The following CAMSAP3 variants were observed in gnomAD, a reference collection of about 807,000 sequenced individuals.
CAMSAP3 encodes calmodulin regulated spectrin associated protein family member 3.
CAMSAP3 carries 34 observed loss-of-function variants against 112.5 expected under a neutral mutation model. The observed-to-expected ratio is 0.30, with a 90% CI of 0.23 to 0.40. The LOEUF (loss-of-function observed/expected upper bound fraction) is 0.40. Among genes scored for constraint, CAMSAP3 ranks in the 10% least tolerant of loss-of-function variants. The probability of loss-of-function intolerance (pLI) is 1.00; values close to 1 mark genes in which losing one functional copy is unlikely to be tolerated. For missense variants in CAMSAP3, 1,602 were observed against 1,770.3 expected (o/e 0.90, Z 1.71); for synonymous variants, 868 against 799.8 (o/e 1.09, Z -1.44).
At chr19:7,597,948 G>C (rs2024472296) in intron 1 of CAMSAP3, among the ~76,000 whole-genome samples, 1 of 152,114 alleles carries the variant, frequency 6.6e-6, no homozygotes, top group Non-Finnish European at 1.5e-5. Flanking sequence ...AGTTCAATCT[G>C]TTCCCTGTTC....
At chr19:7,599,403 T>C (rs189777704) in intron 1 of CAMSAP3, among the ~76,000 whole-genome samples, 25,072 of 57,776 alleles carry the variant, frequency 0.43, 3,965 homozygotes, top group Middle Eastern at 0.49. Flanking sequence ...CATCCACCCA[T>C]TCATTCATCC....
Position 7,617,893 on chromosome 19 carries a change from G to T in CAMSAP3, c.3586G>T (p.Ala1196Ser), listed in dbSNP as rs1393887283. ...AGYGPRTVTPAMVEGIYKYNS... is the reference protein window; with the variant it reads ...AGYGPRTVTPSMVEGIYKYNS... ...GTATGGGCCCCGGACCGTCACGCCCGCCATGGTGGAAGGCATCTACAAGTA... is the reference window on the plus strand; with the variant it reads ...GTATGGGCCCCGGACCGTCACGCCCTCCATGGTGGAAGGCATCTACAAGTA... Residue 1196 changes from alanine (A) to serine (S), a missense_variant, in exon 17 of 17, where the codon GCC becomes TCC. Physicochemically the swap from Ala to Ser is moderately conservative, Grantham distance 99. Transcript: ENST00000160298. The surrounding 1 kb of genome is among the most constrained non-coding windows in gnomAD (Gnocchi z 7.5). 1 of 1,613,812 alleles carries T rather than the reference G, an allele frequency of 6.2e-7. No homozygotes were observed. Among genetic ancestry groups the T allele is most frequent in the African/African-American group, 1.3e-5 (1 of 74,924 alleles).
chr19:7,611,666 C>T lies in CAMSAP3; in HGVS notation c.1194-21C>T. On this transcript the variant is annotated intron_variant, in intron 10 of 16. Coordinates refer to ENST00000160298, the MANE Select transcript of CAMSAP3 (RefSeq NM_020902.2). This position sits in a 1 kb window ranked among gnomAD's most constrained non-coding sequence, Gnocchi z 6.9. The stretch of plus-strand genomic sequence containing the variant: ...GGCCGAGGCTGGTCCCAGGGGCTGA[C>T]CCCTCCCTCCGGCCGCCCAGCCGTC... 3 of 1,569,592 alleles carry T rather than the reference C, an allele frequency of 1.9e-6. No homozygotes were observed. The highest frequency in any genetic ancestry group is 1.7e-6 in the Non-Finnish European group (2 of 1,154,536).
intron 2 of CAMSAP3, among the ~76,000 whole-genome samples, chr19:7,605,884 A>C (rs1031974484): frequency 1.3e-5 from 2 of 148,600 alleles, no homozygotes; most frequent in African/African-American, 2.5e-5. Context: ...CCTCCCCTCA[A>C]GCTCTGTTCA....
chr19:7,611,578 G>A lies in CAMSAP3; in HGVS notation c.1185G>A (p.Arg395=). Residue 395 remains arginine, a synonymous_variant, in exon 10 of 17, where the codon CGG becomes CGA. Coordinates refer to ENST00000160298, the MANE Select transcript of CAMSAP3 (RefSeq NM_020902.2). This position sits in a 1 kb window ranked among gnomAD's most constrained non-coding sequence, Gnocchi z 6.9. ...AGGCCCTGGGCAAGGCCTGGAACCG[G>A]CAGCTCAGGTGAGTAGACCTCACAG... ...HMEALGKAWN[R]QLSRPLSQAV... The A allele has an allele frequency of 3.7e-6, 6 of 1,612,366 alleles. No homozygotes were observed. The highest frequency in any genetic ancestry group is 5.1e-6 in the Non-Finnish European group (6 of 1,179,708).
rs1053591358 is a variant in CAMSAP3 at position 7,606,681 on chromosome 19, ACTCT to A, written c.621+115_621+118del. 1.5e-5 allele frequency: 23 copies of A among 1,544,024 alleles called. No homozygotes were observed. The African/African-American group carries it at 2.9e-4, about 19-fold the overall frequency. On this transcript the variant is annotated intron_variant, in intron 4 of 16. Transcript: ENST00000160298. ...GTGGGGAGGGGGCTAGAGGTGACACACTCTCTCTTTCTTCCCCCCTCTCTCAATC... is the reference window on the plus strand; with the variant it reads ...GTGGGGAGGGGGCTAGAGGTGACACACTCTTTCTTCCCCCCTCTCTCAATC...
rs1042134736 is a variant in CAMSAP3, at chr19:7,607,074, A to C, written c.621+503A>C. Among the ~76,000 whole-genome samples, 2 of 151,938 alleles carry C rather than the reference A, an allele frequency of 1.3e-5. No individual in the cohort carries two copies. Among genetic ancestry groups the C allele is most frequent in the African/African-American group, 4.8e-5 (2 of 41,382 alleles). Reference sequence around the variant, plus strand: ...ACGAACTTCCCCTCCCGTTATTCAGAAGGGCAAGCCCTCCCCGTTCCCATT... The same window carrying C: ...ACGAACTTCCCCTCCCGTTATTCAGCAGGGCAAGCCCTCCCCGTTCCCATT... On this transcript the variant is annotated intron_variant, in intron 4 of 16. Coordinates refer to ENST00000160298, the MANE Select transcript of CAMSAP3 (RefSeq NM_020902.2). The surrounding 1 kb of genome is among the most constrained non-coding windows in gnomAD (Gnocchi z 4.9).
intron 1 of CAMSAP3, among the ~76,000 whole-genome samples, chr19:7,599,241 T>TCATC (rs373814907): frequency 2.5e-4 from 32 of 127,424 alleles, no homozygotes; most frequent in African/African-American, 9.2e-4. Context: ...ACCCATTCAT[T>TCATC]CATCCATCCA....
Position 7,610,964 on chromosome 19 carries a change from T to C in CAMSAP3, c.1049+33T>C. 1 of 1,575,260 alleles carries C rather than the reference T, an allele frequency of 6.3e-7. No homozygotes were observed. Among genetic ancestry groups the C allele is most frequent in the Non-Finnish European group, 8.6e-7 (1 of 1,156,332 alleles). On this transcript the variant is annotated intron_variant, in intron 8 of 16. Coordinates refer to ENST00000160298, the MANE Select transcript of CAMSAP3 (RefSeq NM_020902.2). This position sits in a 1 kb window ranked among gnomAD's most constrained non-coding sequence, Gnocchi z 4.9. ...CCCCACACTGGGCGAGTCTCTGGCA[T>C]TGTGGGTGTGGGGCTCCATGTCTGC...
rs574881666 is a variant in CAMSAP3, at chr19:7,615,465, T to C, written c.2858T>C (p.Val953Ala). The change falls in exon 13 of 17, where the codon GTC (valine) becomes GCC (alanine). Residue 953 changes from valine (V) to alanine (A), a missense_variant. By Grantham distance (64) the Val-to-Ala change is moderately conservative. Around this residue, in one of 6 missense-constraint regions of CAMSAP3, gnomAD observed 1,100 missense variants for 1,135.7 expected, o/e 0.97. Transcript: ENST00000160298. This position sits in a 1 kb window ranked among gnomAD's most constrained non-coding sequence, Gnocchi z 6.5. Reference sequence around the variant, plus strand: ...GGCCCAGCCCCGCTTGTGTCCGCAGTCCCGATGGCGACTCCAGCCCCTGCT... The same window carrying C: ...GGCCCAGCCCCGCTTGTGTCCGCAGCCCCGATGGCGACTCCAGCCCCTGCT... ...APGPAPLVSA[V>A]PMATPAPAAR... 13 of 1,540,812 alleles carry C rather than the reference T, an allele frequency of 8.4e-6. No individual in the cohort carries two copies. In the Admixed American group the frequency reaches 1.2e-4, roughly 14 times the overall value.
In CAMSAP3 at chr19:7,615,469, G is replaced by A. The variant is rs985064270; in HGVS notation, c.2862G>A (p.Pro954=). ...PGPAPLVSAV[P]MATPAPAARA... ...CAGCCCCGCTTGTGTCCGCAGTCCC[G>A]ATGGCGACTCCAGCCCCTGCTGCCC... Residue 954 remains proline, a synonymous_variant, in exon 13 of 17, where the codon CCG becomes CCA. Coordinates refer to ENST00000160298, the MANE Select transcript of CAMSAP3 (RefSeq NM_020902.2). This position sits in a 1 kb window ranked among gnomAD's most constrained non-coding sequence, Gnocchi z 6.5. 5.8e-6 allele frequency: 9 copies of A among 1,540,896 alleles called. No homozygotes were observed. In the South Asian group the frequency reaches 9.5e-5, roughly 16 times the overall value.
Position 7,615,607 on chromosome 19 carries a change from C to T in CAMSAP3, c.3000C>T (p.Pro1000=). The part of the protein sequence containing the change: ...LMDDLDKVLR[P]RAAGSGGPGR... ...ACGACCTCGATAAGGTGCTGCGGCCCCGGGCTGCGGGGTCCGGGGGTCCAG... is the reference window on the plus strand; with the variant it reads ...ACGACCTCGATAAGGTGCTGCGGCCTCGGGCTGCGGGGTCCGGGGGTCCAG... Residue 1000 remains proline (P), a synonymous_variant, in exon 13 of 17, where the codon CCC becomes CCT. Transcript: ENST00000160298. This position sits in a 1 kb window ranked among gnomAD's most constrained non-coding sequence, Gnocchi z 6.5. 1 of 1,466,808 alleles carries T rather than the reference C, an allele frequency of 6.8e-7. No homozygotes were observed. The highest frequency in any genetic ancestry group is 9.0e-7 in the Non-Finnish European group (1 of 1,109,832). The allele number at this position is 1,466,808 out of a possible 1,614,324, so 90.9% of individuals were successfully genotyped here.
At chr19:7,616,949 TTTTTTTTTTG>T (rs1234966060) in intron 14 of CAMSAP3, among the ~76,000 whole-genome samples, 25 of 142,552 alleles carry the variant, frequency 1.8e-4, no homozygotes, top group East Asian at 1.3e-3. Flanking sequence ...TTTTTTTTTT[TTTTTTTTTTG>T]TTTTTTTGAG....
rs759734047 is a variant in CAMSAP3 at position 7,606,583 on chromosome 19, G to A, written c.621+12G>A. On this transcript the variant is annotated intron_variant, in intron 4 of 16. Coordinates refer to ENST00000160298, the MANE Select transcript of CAMSAP3 (RefSeq NM_020902.2). ...CGGCGCAGCCCTCGGTGAGGCCAGG[G>A]CATAGAACCGTCAGAAGGATGGGGG... 6.6e-7 allele frequency: 1 copy of A among 1,521,726 alleles called. No individual in the cohort carries two copies. Among genetic ancestry groups the A allele is most frequent in the Non-Finnish European group, 8.8e-7 (1 of 1,138,540 alleles). The allele number at this position is 1,521,726 out of a possible 1,614,324, so 94.3% of individuals were successfully genotyped here.
chr19:7,616,888 A>G (rs1356678742), intron 14 of CAMSAP3, among the ~76,000 whole-genome samples: 1 of 134,182 alleles, frequency 7.5e-6, no homozygotes, highest in African/African-American at 2.8e-5. Context: ...TGGACTTGGG[A>G]GGGTGTGCAG....
In CAMSAP3 at chr19:7,613,063, A is replaced by G; in HGVS notation, c.2570A>G (p.Glu857Gly). Residue 857 changes from glutamate to glycine, a missense_variant, in exon 11 of 17, where the codon GAG (glutamate) becomes GGG (glycine). Glu to Gly is a moderately conservative substitution (Grantham distance 98). Coordinates refer to ENST00000160298, the MANE Select transcript of CAMSAP3 (RefSeq NM_020902.2). ...PLGSLADPAAEDEGDGSPAGA... is the reference protein window; with the variant it reads ...PLGSLADPAAGDEGDGSPAGA... ...GGCAGCCTGGCAGATCCCGCCGCCG[A>G]GGACGAGGGAGACGGGAGCCCCGCT... 6.5e-7 allele frequency: 1 copy of G among 1,548,150 alleles called. No individual in the cohort carries two copies. The highest frequency in any genetic ancestry group is 8.7e-7 in the Non-Finnish European group (1 of 1,146,912).
intron 1 of CAMSAP3, among the ~76,000 whole-genome samples, chr19:7,603,218 CTTT>C (rs576409985): frequency 7.1e-6 from 1 of 141,310 alleles, no homozygotes. Context: ...TTCTTTCTTT[CTTT>C]TTTTTTTTTT....
chr19:7,617,480 C>T lies in CAMSAP3; in HGVS notation c.3325+42C>T, dbSNP rs2030871088. On this transcript the variant is annotated intron_variant, in intron 15 of 16. Transcript: ENST00000160298. This position sits in a 1 kb window ranked among gnomAD's most constrained non-coding sequence, Gnocchi z 7.5. ...GGTGATGTGAGGAGCAACAGGCACC[C>T]TCCTCCACAGCCCCTGCTCATTCCT... The T allele has an allele frequency of 6.2e-7, 1 of 1,606,338 alleles. No individual in the cohort carries two copies. Among genetic ancestry groups the T allele is most frequent in the Non-Finnish European group, 8.5e-7 (1 of 1,172,904 alleles).
At position 7,610,800 on chromosome 19, in the gene CAMSAP3, C is replaced by CCCTGGGGG. The variant is rs1196051750; in HGVS notation, c.994+18_994+25dup. On this transcript the variant is annotated splice_region_variant and intron_variant, in intron 7 of 16. Coordinates refer to ENST00000160298, the MANE Select transcript of CAMSAP3 (RefSeq NM_020902.2). The surrounding 1 kb of genome is among the most constrained non-coding windows in gnomAD (Gnocchi z 4.9). ...GACTTGCCCGATGGTCACGGTGAGG[C>CCCTGGGGG]CCTGGGGGCCTGGGGGCCGGGTCGG... 16 of 1,612,952 alleles carry CCCTGGGGG rather than the reference C, an allele frequency of 9.9e-6. No homozygotes were observed. The highest frequency in any genetic ancestry group is 6.7e-5 in the East Asian group (3 of 44,902).
Sources: gnomAD v4.1 joint callset for allele counts (sites outside exome capture counted in the v4.1 genomes callset) on GRCh38, gnomAD v4.1.1 for gene constraint, gnomAD v4.1.1 regional missense constraint, Gnocchi (gnomAD v3.1) non-coding constraint, MANE v1.5 for transcripts, NCBI Gene and HGNC (gene_info 2026-07-23, HGNC 2026-07-21) for gene names.